CCDC148: variants seen among roughly 807,000 people sequenced by gnomAD.
CCDC148 encodes the protein coiled-coil domain containing 148.
CCDC148 carries 89 observed loss-of-function variants against 85.7 expected under a neutral mutation model. That is an observed-to-expected ratio of 1.04 (90% CI 0.87 to 1.24). The LOEUF (loss-of-function observed/expected upper bound fraction) is 1.24, where lower values mean the gene tolerates loss of function less well. Ranked by LOEUF, CCDC148 falls within the 50% of genes most tolerant of loss-of-function variation. CCDC148 has a pLI of 0.00. For synonymous variants in CCDC148, 230 were observed against 213.9 expected (o/e 1.08, Z -0.66); for missense variants, 692 against 671.7 (o/e 1.03, Z -0.33).
rs374713597 is a variant in CCDC148, at chr2:158,275,012, G to A, written c.1111-24100C>T. On this transcript the variant is annotated intron_variant, in intron 9 of 13. Transcript: ENST00000283233. ...ATTGGCCACAAAATGTGGGAACAAG[G>A]CCAACTCACTTTGCCTTGGCAGGAG... Among the ~76,000 whole-genome samples, 15 of 152,350 alleles carry A rather than the reference G, an allele frequency of 9.8e-5. No homozygotes were observed. The East Asian group carries it at 2.5e-3, about 25-fold the overall frequency.
intron 3 of CCDC148, among the ~76,000 whole-genome samples, chr2:158,342,521 C>T (rs1682766120): frequency 6.6e-6 from 1 of 151,964 alleles, no homozygotes; most frequent in Non-Finnish European, 1.5e-5. Flanking sequence ...TTTGTTTAAC[C>T]AAAAACACAG....
rs371869935 is a variant in CCDC148 at position 158,264,661 on chromosome 2, G to A, written c.1111-13749C>T. 8.5e-4 allele frequency among the ~76,000 whole-genome samples: 129 copies of A among 152,032 alleles called. 1 individual carries two copies. The highest frequency in any genetic ancestry group is 3.1e-3 in the African/African-American group (127 of 41,514). On this transcript the variant is annotated intron_variant, in intron 9 of 13. Transcript: ENST00000283233. ...GGGGCTATTATATCCATGCACAGGG[G>A]CCTCACCCAGATTATCCCCCAAAAT...
At chr2:158,217,655 T>C (rs1192772655) in intron 11 of CCDC148, among the ~76,000 whole-genome samples, 2 of 151,294 alleles carry the variant, frequency 1.3e-5, no homozygotes, top group African/African-American at 4.9e-5. Flanking sequence ...CCACCTGCCT[T>C]GGCCTCCCAA....
chr2:158,175,192 G>C (rs958713313), intron 13 of CCDC148, among the ~76,000 whole-genome samples: 2 of 151,982 alleles, frequency 1.3e-5, no homozygotes, highest in Non-Finnish European at 2.9e-5. Context: ...ATAAGGGTTA[G>C]CCCAGCGGCC....
At chr2:158,325,388 C>T (rs1205863091) in intron 7 of CCDC148, among the ~76,000 whole-genome samples, 2 of 152,156 alleles carry the variant, frequency 1.3e-5, no homozygotes, top group Admixed American at 6.6e-5. Flanking sequence ...GGACACTACA[C>T]TCTCTTTGTT....
chr2:158,337,279 C>T (rs1379329347), intron 7 of CCDC148, among the ~76,000 whole-genome samples: 1 of 152,140 alleles, frequency 6.6e-6, no homozygotes, highest in Non-Finnish European at 1.5e-5. Flanking sequence ...AGAGGAGGTA[C>T]TGGGCCAGCC....
chr2:158,303,636 C>A (rs533883907), intron 9 of CCDC148, among the ~76,000 whole-genome samples: 1 of 152,192 alleles, frequency 6.6e-6, no homozygotes, highest in East Asian at 1.9e-4. Flanking sequence ...AATGATAACA[C>A]CCTCTCTAGA....
In CCDC148 at chr2:158,416,224, A is replaced by G. The variant is rs145839370; in HGVS notation, c.25+40191T>C. On this transcript the variant is annotated intron_variant, in intron 1 of 13. Transcript: ENST00000283233. ...GGCAGCAGGGCCCTGGGCCCAGCCC[A>G]GGAAACCATTCTTCCCTTTTAGGCC... Among the ~76,000 whole-genome samples, 177 of 152,334 alleles carry G rather than the reference A, an allele frequency of 1.2e-3. 1 individual carries two copies. The highest frequency in any genetic ancestry group is 3.9e-3 in the African/African-American group (161 of 41,600).
chr2:158,453,674 C>T (rs891107382), intron 1 of CCDC148, among the ~76,000 whole-genome samples: 17 of 152,084 alleles, frequency 1.1e-4, no homozygotes, highest in African/African-American at 4.1e-4. Context: ...TGCTATGCTT[C>T]TTAGGGAATT....
At chr2:158,210,638 T>A (rs1686513954) in intron 11 of CCDC148, among the ~76,000 whole-genome samples, 1 of 151,690 alleles carries the variant, frequency 6.6e-6, no homozygotes, top group East Asian at 1.9e-4. Flanking sequence ...CAAATGAGAA[T>A]GCAAGATTAA....
intron 9 of CCDC148, among the ~76,000 whole-genome samples, chr2:158,277,553 T>A (rs979263646): frequency 1.3e-5 from 2 of 152,194 alleles, no homozygotes; most frequent in Non-Finnish European, 2.9e-5. Context: ...TTTACAGGCA[T>A]GGCCCCTTTC....
At chr2:158,197,346 C>G (rs1403423245) in intron 11 of CCDC148, among the ~76,000 whole-genome samples, 2 of 152,010 alleles carry the variant, frequency 1.3e-5, no homozygotes, top group African/African-American at 4.8e-5. Context: ...AAAAGTCACT[C>G]AAAAATATAG....
At position 158,178,310 on chromosome 2, in the gene CCDC148, C is replaced by T. The variant is rs7559050; in HGVS notation, c.1488+569G>A. ...CAAGTTCAAAACTCTGAAAAACTAC[C>T]AAGTAAAACTATCACATTTCCTAAG... On this transcript the variant is annotated intron_variant, in intron 12 of 13. Coordinates refer to ENST00000283233, the MANE Select transcript of CCDC148 (RefSeq NM_138803.4). Among the ~76,000 whole-genome samples the T allele has an allele frequency of 9.7e-3, 1,473 of 152,208 alleles. 34 individuals carry two copies. Among genetic ancestry groups the T allele is most frequent in the African/African-American group, 0.033 (1,380 of 41,536 alleles).
At chr2:158,176,470 CCTTA>C in intron 13 of CCDC148, 47 bp downstream of exon 13, 2 of 1,585,688 alleles carry the variant, frequency 1.3e-6, no homozygotes, top group Non-Finnish European at 8.6e-7. Context: ...CTTCTACAGT[CCTTA>C]CCATCATCAT....
rs1172886351 is a variant in CCDC148, at chr2:158,348,554, C to T, written c.148-3236G>A. On this transcript the variant is annotated intron_variant, in intron 2 of 13. Transcript: ENST00000283233. The stretch of plus-strand genomic sequence containing the variant: ...CACTATATATTTGAAATTATTAAGA[C>T]ATTAACATTTTTAGACATGGTAATA... 5.9e-5 allele frequency among the ~76,000 whole-genome samples: 9 copies of T among 151,840 alleles called. No homozygotes were observed. In the East Asian group the frequency reaches 1.5e-3, roughly 26 times the overall value.
intron 1 of CCDC148, among the ~76,000 whole-genome samples, chr2:158,453,395 C>T (rs1169140132): frequency 1.3e-5 from 2 of 152,148 alleles, no homozygotes; most frequent in African/African-American, 4.8e-5. Context: ...GGGTGGGGCT[C>T]AGCCAATCCT....
At chr2:158,442,298 T>C (rs1559148507) in intron 1 of CCDC148, among the ~76,000 whole-genome samples, 1 of 152,210 alleles carries the variant, frequency 6.6e-6, no homozygotes, top group Non-Finnish European at 1.5e-5. Flanking sequence ...TATTCTTTGC[T>C]AAGAACAGTT....
intron 10 of CCDC148, among the ~76,000 whole-genome samples, chr2:158,228,086 A>T (rs1687646681): frequency 6.6e-6 from 1 of 152,216 alleles, no homozygotes; most frequent in East Asian, 1.9e-4. Context: ...TCCAGAATCT[A>T]CAATGAACTC....
intron 4 of CCDC148, 96 bp from the exon 5 acceptor site, chr2:158,340,489 T>G: frequency 6.8e-7 from 1 of 1,478,634 alleles, no homozygotes; most frequent in Non-Finnish European, 9.2e-7. Flanking sequence ...GGGGATTTCC[T>G]TAGAAAAAAA....
Sources: gnomAD v4.1 joint callset for allele counts (sites outside exome capture counted in the v4.1 genomes callset) on GRCh38, gnomAD v4.1.1 for gene constraint, MANE v1.5 for transcripts, NCBI Gene and HGNC (gene_info 2026-07-23, HGNC 2026-07-21) for gene names.